The following RUNDC3B variants were observed in gnomAD, a reference collection of about 807,000 sequenced individuals.
The protein encoded by RUNDC3B is RUN domain containing 3B.
Under a neutral mutation model 58.4 loss-of-function variants are expected in RUNDC3B, and 33 were observed. That is an observed-to-expected ratio of 0.56 (90% CI 0.43 to 0.75). RUNDC3B has a LOEUF of 0.75. Ranked by LOEUF, RUNDC3B falls within the 30% of genes least tolerant of loss-of-function variation. The pLI, the probability that RUNDC3B is intolerant of heterozygous loss-of-function variation, is 0.00. For synonymous variants in RUNDC3B, 193 were observed against 195.2 expected, an observed-to-expected ratio of 0.99 and a Z score of 0.10; for missense variants, 501 against 535.7, an observed-to-expected ratio of 0.94 and a Z score of 0.64.
chr7:87,658,666 T>G (rs1469071285), intron 2 of RUNDC3B, among the ~76,000 whole-genome samples: 3 of 152,112 alleles, frequency 2.0e-5, no homozygotes, highest in Non-Finnish European at 4.4e-5. Context: ...AGTAAGCAAT[T>G]GAATGACAGT....
intron 4 of RUNDC3B, among the ~76,000 whole-genome samples, chr7:87,715,008 A>AGG (rs1830431362): frequency 6.6e-6 from 1 of 151,776 alleles, no homozygotes; most frequent in Admixed American, 6.6e-5. Flanking sequence ...TACAATAATT[A>AGG]GGAGCATTTC....
intron 4 of RUNDC3B, among the ~76,000 whole-genome samples, chr7:87,733,955 A>T (rs1010613518): frequency 6.6e-6 from 1 of 152,192 alleles, no homozygotes; most frequent in East Asian, 1.9e-4. Context: ...ACTCAGTAAT[A>T]AAAAGACAAC....
At chr7:87,731,009 T>G (rs1369216229) in intron 4 of RUNDC3B, among the ~76,000 whole-genome samples, 1 of 152,158 alleles carries the variant, frequency 6.6e-6, no homozygotes, top group Non-Finnish European at 1.5e-5. Flanking sequence ...AGTATTTTTG[T>G]GCATGGGGTG....
chr7:87,782,109 A>G (rs1457822752), intron 8 of RUNDC3B, among the ~76,000 whole-genome samples: 1 of 152,066 alleles, frequency 6.6e-6, no homozygotes, highest in Admixed American at 6.5e-5. Context: ...TATCTGGTCC[A>G]GGACTTTTCT....
intron 3 of RUNDC3B, among the ~76,000 whole-genome samples, chr7:87,710,269 A>G (rs989210893): frequency 6.6e-6 from 1 of 152,192 alleles, no homozygotes; most frequent in Non-Finnish European, 1.5e-5. Flanking sequence ...TATATCTTAT[A>G]TAATTACATC....
intron 1 of RUNDC3B, among the ~76,000 whole-genome samples, chr7:87,646,122 C>G (rs1373027800): frequency 1.3e-5 from 2 of 152,070 alleles, no homozygotes; most frequent in African/African-American, 2.4e-5. Flanking sequence ...TAATTTAGTG[C>G]TCTGATATTT....
chr7:87,710,906 C>T (rs900971979), intron 4 of RUNDC3B, among the ~76,000 whole-genome samples: 2 of 152,184 alleles, frequency 1.3e-5, no homozygotes, highest in African/African-American at 4.8e-5. Context: ...CTGATTCATA[C>T]TCTTTCAACT....
chr7:87,779,004 T>G (rs1343214779), intron 8 of RUNDC3B, among the ~76,000 whole-genome samples: 4 of 152,164 alleles, frequency 2.6e-5, no homozygotes, highest in African/African-American at 9.6e-5. Context: ...TGCCTTATAA[T>G]TCTCTCCCTT....
intron 6 of RUNDC3B, 29 bp from the exon 7 acceptor site, chr7:87,770,552 A>C: frequency 6.4e-7 from 1 of 1,565,900 alleles, no homozygotes; most frequent in Non-Finnish European, 8.7e-7. Flanking sequence ...CATATTTTTA[A>C]CTTTTTTTTA....
At chr7:87,675,151 A>G (rs1826199255) in intron 2 of RUNDC3B, among the ~76,000 whole-genome samples, 1 of 152,156 alleles carries the variant, frequency 6.6e-6, no homozygotes, top group African/African-American at 2.4e-5. Flanking sequence ...GCTAGGAACA[A>G]GTCCCTGTGC....
intron 2 of RUNDC3B, among the ~76,000 whole-genome samples, chr7:87,663,922 C>T (rs1302179503): frequency 6.6e-6 from 1 of 152,028 alleles, no homozygotes; most frequent in Non-Finnish European, 1.5e-5. Context: ...TTGTATGATC[C>T]TACTGGATGA....
intron 6 of RUNDC3B, among the ~76,000 whole-genome samples, chr7:87,745,137 T>C (rs1832573434): frequency 1.3e-5 from 2 of 152,238 alleles, no homozygotes; most frequent in Non-Finnish European, 2.9e-5. Context: ...TTGCATATGT[T>C]AAAGCATCCC....
At chr7:87,800,235 A>G (rs1180873321) in intron 8 of RUNDC3B, among the ~76,000 whole-genome samples, 1 of 152,186 alleles carries the variant, frequency 6.6e-6, no homozygotes, top group Non-Finnish European at 1.5e-5. Flanking sequence ...AGCAAAGTAG[A>G]GGGGAGAGGA....
chr7:87,777,926 A>T lies in RUNDC3B; in HGVS notation c.927A>T (p.Glu309Asp), dbSNP rs918148678. 6.2e-7 allele frequency: 1 copy of T among 1,613,328 alleles called. No homozygotes were observed. The highest frequency in any genetic ancestry group is 8.5e-7 in the Non-Finnish European group (1 of 1,179,454). ...ATAAACTGGAGAAGGAACAATTAGA[A>T]TATATAATTGTGGAGCTTCAAGATC... ...LAHKLEKEQL[E>D]YIIVELQDQL... Residue 309 changes from glutamate to aspartate, a missense_variant, in exon 8 of 11, where the codon GAA becomes GAT. Coordinates refer to ENST00000394654, the MANE Select transcript of RUNDC3B (RefSeq NM_001134405.2).
intron 8 of RUNDC3B, among the ~76,000 whole-genome samples, chr7:87,786,532 G>C (rs1312898300): frequency 6.6e-6 from 1 of 151,558 alleles, no homozygotes; most frequent in Non-Finnish European, 1.5e-5. Flanking sequence ...AAAATATCAA[G>C]AGCCAAACAG....
chr7:87,823,823 C>T lies in RUNDC3B; in HGVS notation c.1226-6062C>T, dbSNP rs111703496. Among the ~76,000 whole-genome samples, 269 of 146,866 alleles carry T rather than the reference C, an allele frequency of 1.8e-3. 6 individuals are homozygous for T. In the East Asian group the frequency reaches 0.033, roughly 18 times the overall value. On this transcript the variant is annotated intron_variant, in intron 10 of 10. Coordinates refer to ENST00000394654, the MANE Select transcript of RUNDC3B (RefSeq NM_001134405.2). Reference sequence around the variant, plus strand: ...ACACACACACACACACACACACACACATATATATATACACACTCACCTACA... The same window carrying T: ...ACACACACACACACACACACACACATATATATATATACACACTCACCTACA...
At chr7:87,696,628 A>C (rs1179498255) in intron 2 of RUNDC3B, among the ~76,000 whole-genome samples, 1 of 152,182 alleles carries the variant, frequency 6.6e-6, no homozygotes, top group Non-Finnish European at 1.5e-5. Context: ...TGAAAAATTC[A>C]GTGTCTTGAA....
At position 87,770,671 on chromosome 7, in the gene RUNDC3B, T is replaced by G; in HGVS notation, c.720T>G (p.Pro240=). 1 of 1,613,720 alleles carries G rather than the reference T, an allele frequency of 6.2e-7. No individual in the cohort carries two copies. The change falls in exon 7 of 11, where the codon CCT becomes CCG. Residue 240 remains proline (P), a synonymous_variant. Transcript: ENST00000394654. ...GTACTCCAGAGAATGTCGGACCTCC[T>G]TTCCTCATGGATGAGAACAGTTGGT... ...ESSTPENVGP[P]FLMDENSWFN...
At chr7:87,820,093 C>T (rs1474402395) in intron 10 of RUNDC3B, among the ~76,000 whole-genome samples, 1 of 152,078 alleles carries the variant, frequency 6.6e-6, no homozygotes, top group Non-Finnish European at 1.5e-5. Context: ...ATTAATGAAT[C>T]CAGGAACTGG....
Sources: gnomAD v4.1 joint callset for allele counts (sites outside exome capture counted in the v4.1 genomes callset) on GRCh38, gnomAD v4.1.1 for gene constraint, MANE v1.5 for transcripts, NCBI Gene and HGNC (gene_info 2026-07-23, HGNC 2026-07-21) for gene names.